DPF3: variants seen among roughly 807,000 people sequenced by gnomAD.
The protein encoded by DPF3 is zinc finger protein DPF3.
Under a neutral mutation model 56.8 loss-of-function variants are expected in DPF3, and 18 were observed. That is an observed-to-expected ratio of 0.32 (90% CI 0.22 to 0.47). The LOEUF (loss-of-function observed/expected upper bound fraction) is 0.47, where lower values mean the gene tolerates loss of function less well. DPF3 is among the 20% of genes least tolerant of loss of function. DPF3 has a pLI of 1.00. For missense variants in DPF3, 403 were observed against 488.8 expected, an observed-to-expected ratio of 0.82 and a Z score of 1.65; for synonymous variants, 188 against 180.2, an observed-to-expected ratio of 1.04 and a Z score of -0.35.
At chr14:72,756,807 T>TGAAAGAAA (rs1292830444) in intron 2 of DPF3, among the ~76,000 whole-genome samples, 23 of 87,030 alleles carry the variant, frequency 2.6e-4, no homozygotes, top group South Asian at 7.8e-4. Context: ...CAAGATTCTG[T>TGAAAGAAA]GAAAGAAAGA....
At chr14:72,793,105 T>C (rs1251813399) in intron 1 of DPF3, among the ~76,000 whole-genome samples, 1 of 152,184 alleles carries the variant, frequency 6.6e-6, no homozygotes, top group African/African-American at 2.4e-5. Flanking sequence ...GTCCAATTAA[T>C]TTATGGAGAA....
intron 7 of DPF3, among the ~76,000 whole-genome samples, chr14:72,683,678 G>A (rs961094542): frequency 6.6e-6 from 1 of 152,194 alleles, no homozygotes. Context: ...GAGTCGGAGA[G>A]GTGGACACGC....
chr14:72,624,683 A>G (rs1445058457), intron 9 of DPF3, among the ~76,000 whole-genome samples: 2 of 152,152 alleles, frequency 1.3e-5, no homozygotes, highest in Non-Finnish European at 2.9e-5. Flanking sequence ...AAGATCCCTC[A>G]TTGCATTTAA....
At chr14:72,698,757 T>C (rs1244135476) in intron 6 of DPF3, among the ~76,000 whole-genome samples, 2 of 152,230 alleles carry the variant, frequency 1.3e-5, no homozygotes, top group Non-Finnish European at 2.9e-5. Flanking sequence ...ACATGCATTT[T>C]CGACTTAGGA....
intron 5 of DPF3, among the ~76,000 whole-genome samples, 184 bp from the exon 6 acceptor site, chr14:72,714,685 T>C (rs1888829681): frequency 6.6e-6 from 1 of 152,164 alleles, no homozygotes; most frequent in Non-Finnish European, 1.5e-5. Context: ...ATCACTCAGT[T>C]GCTCACCTGT....
rs1884091904 is a variant in DPF3 at position 72,616,378 on chromosome 14, A to T, written c.*2919T>A. 6.6e-6 allele frequency among the ~76,000 whole-genome samples: 1 copy of T among 152,032 alleles called. No individual in the cohort carries two copies. The highest frequency in any genetic ancestry group is 1.5e-5 in the Non-Finnish European group (1 of 68,012). On this transcript the variant is annotated 3_prime_UTR_variant, in exon 11 of 11. Transcript: ENST00000556509. Reference sequence around the variant, plus strand: ...TTTTAAAGTCCCCAACCCCATGTACATCCCTCACCTCCACCCCACAGCCCA... The same window carrying T: ...TTTTAAAGTCCCCAACCCCATGTACTTCCCTCACCTCCACCCCACAGCCCA...
At position 72,796,312 on chromosome 14, in the gene DPF3, G is replaced by A. The variant is rs143790978; in HGVS notation, c.33-24419C>T. 9.0e-3 allele frequency among the ~76,000 whole-genome samples: 1,374 copies of A among 152,236 alleles called. 15 individuals carry two copies. Among genetic ancestry groups the A allele is most frequent in the South Asian group, 0.023 (113 of 4,822 alleles). On this transcript the variant is annotated intron_variant, in intron 1 of 10. Transcript: ENST00000556509. ...AGCTCAGGAGTTTGAGACCAGCCTG[G>A]ACAACATGGCAGAACCCCATCTCTA...
chr14:72,721,095 C>T (rs2153576509), intron 5 of DPF3, among the ~76,000 whole-genome samples: 1 of 152,274 alleles, frequency 6.6e-6, no homozygotes, highest in East Asian at 1.9e-4. Context: ...TCAGTAGCCA[C>T]ATGTGGCCAG....
chr14:72,625,276 T>C (rs1235836702), intron 9 of DPF3, among the ~76,000 whole-genome samples: 2 of 152,198 alleles, frequency 1.3e-5, no homozygotes, highest in African/African-American at 2.4e-5. Context: ...TTTACTTATT[T>C]ATTCAATTTT....
chr14:72,858,121 A>T (rs1885240861), intron 1 of DPF3, among the ~76,000 whole-genome samples: 1 of 152,048 alleles, frequency 6.6e-6, no homozygotes, highest in South Asian at 2.1e-4. Flanking sequence ...CCTGGGCAAC[A>T]TGGCGAAACC....
At chr14:72,859,573 G>A (rs181856436) in intron 1 of DPF3, among the ~76,000 whole-genome samples, 1 of 145,204 alleles carries the variant, frequency 6.9e-6, no homozygotes, top group Non-Finnish European at 1.5e-5. Flanking sequence ...CCTTACCCTG[G>A]CCCAGGGGAC....
At chr14:72,678,731 G>A (rs537628642) in intron 7 of DPF3, among the ~76,000 whole-genome samples, 2 of 152,344 alleles carry the variant, frequency 1.3e-5, no homozygotes, top group South Asian at 2.1e-4. Flanking sequence ...GCAAAGACCC[G>A]ACTGGCATCT....
chr14:72,649,649 TC>T (rs1448274060), intron 8 of DPF3, among the ~76,000 whole-genome samples: 1 of 102,098 alleles, frequency 9.8e-6, no homozygotes, highest in Non-Finnish European at 1.8e-5. Flanking sequence ...ATTGTCTCAC[TC>T]ATCCCTGGGT....
At chr14:72,861,962 C>G (rs530958590) in intron 1 of DPF3, among the ~76,000 whole-genome samples, 3 of 152,164 alleles carry the variant, frequency 2.0e-5, no homozygotes, top group Non-Finnish European at 4.4e-5. Context: ...GTATTATATG[C>G]TTTCACCCAT....
intron 1 of DPF3, among the ~76,000 whole-genome samples, chr14:72,853,804 C>A (rs1458691835): frequency 2.0e-5 from 3 of 152,178 alleles, no homozygotes; most frequent in Non-Finnish European, 2.9e-5. Context: ...TGCAAACTTT[C>A]ACTGCAGTAC....
chr14:72,804,182 C>G (rs1459401526), intron 1 of DPF3, among the ~76,000 whole-genome samples: 7 of 84,334 alleles, frequency 8.3e-5, no homozygotes, highest in African/African-American at 3.6e-4. Flanking sequence ...CTTTCCAGGA[C>G]ACACACACAC....
chr14:72,730,457 G>A (rs1889594464), intron 4 of DPF3, among the ~76,000 whole-genome samples: 1 of 152,172 alleles, frequency 6.6e-6, no homozygotes, highest in Admixed American at 6.5e-5. Context: ...GGGAATGGCG[G>A]AGAAGAAGGC....
At chr14:72,718,448 G>A (rs181133511) in intron 5 of DPF3, among the ~76,000 whole-genome samples, 1 of 152,144 alleles carries the variant, frequency 6.6e-6, no homozygotes, top group Non-Finnish European at 1.5e-5. Context: ...GTCCTAAAAC[G>A]TGATCTGCCT....
intron 9 of DPF3, among the ~76,000 whole-genome samples, chr14:72,620,736 C>A (rs1884380380): frequency 6.6e-6 from 1 of 152,260 alleles, no homozygotes; most frequent in South Asian, 2.1e-4. Flanking sequence ...TCTACCTCAA[C>A]TGGAAGTTGT....
Sources: allele counts gnomAD v4.1 joint callset (sites outside exome capture counted in the v4.1 genomes callset), GRCh38; gene constraint gnomAD v4.1.1; transcripts MANE v1.5; gene names NCBI Gene and HGNC (gene_info 2026-07-23, HGNC 2026-07-21).